Variants in ZNF618 observed in about 807,000 individuals in gnomAD.
ZNF618 encodes the protein neural precursor cell expressed, developmentally down-regulated 10.
Under a neutral mutation model 103.0 loss-of-function variants are expected in ZNF618, and 34 were observed. The ratio of observed to expected loss-of-function variants is 0.33; its 90% CI spans 0.25 to 0.44. ZNF618 has a LOEUF of 0.44. ZNF618 is among the 20% of genes least tolerant of loss of function. The pLI, the probability that ZNF618 is intolerant of heterozygous loss-of-function variation, is 1.00. For missense variants in ZNF618, 1,059 were observed against 1,295.4 expected, an observed-to-expected ratio of 0.82 and a Z score of 2.80; for synonymous variants, 551 against 542.2, an observed-to-expected ratio of 1.02 and a Z score of -0.23.
chr9:113,987,648 T>C (rs987036258), intron 2 of ZNF618, among the ~76,000 whole-genome samples: 2 of 152,080 alleles, frequency 1.3e-5, no homozygotes, highest in Non-Finnish European at 2.9e-5. Context: ...GCCCAAAGCG[T>C]AGTTTGAGGC....
At chr9:113,899,679 C>T (rs553540616) in intron 1 of ZNF618, among the ~76,000 whole-genome samples, 3 of 152,140 alleles carry the variant, frequency 2.0e-5, no homozygotes, top group African/African-American at 4.8e-5. Flanking sequence ...GGCTGGGGAC[C>T]GCTGACTTAG....
intron 1 of ZNF618, among the ~76,000 whole-genome samples, chr9:113,923,804 T>G (rs1832851714): frequency 6.6e-6 from 1 of 152,134 alleles, no homozygotes; most frequent in South Asian, 2.1e-4. Flanking sequence ...CTGAAATGCC[T>G]GGGACCTGAA....
chr9:113,949,483 A>G (rs1287449623), intron 1 of ZNF618, among the ~76,000 whole-genome samples: 2 of 152,020 alleles, frequency 1.3e-5, no homozygotes, highest in African/African-American at 4.8e-5. Context: ...CTGCATCCCT[A>G]CCACTGGGTC....
intron 1 of ZNF618, among the ~76,000 whole-genome samples, chr9:113,967,212 C>T (rs1837495176): frequency 6.6e-6 from 1 of 152,184 alleles, no homozygotes; most frequent in African/African-American, 2.4e-5. Flanking sequence ...GAATTTCCAC[C>T]CGTACCACTT....
At chr9:113,877,659 GTGTGTT>G (rs956207942) in intron 1 of ZNF618, among the ~76,000 whole-genome samples, 7 of 151,730 alleles carry the variant, frequency 4.6e-5, no homozygotes, top group African/African-American at 1.7e-4. Flanking sequence ...TTGTGTGTGT[GTGTGTT>G]TTTTTTGTTT....
At chr9:114,006,001 C>T (rs972705179) in intron 6 of ZNF618, among the ~76,000 whole-genome samples, 3 of 152,196 alleles carry the variant, frequency 2.0e-5, no homozygotes, top group East Asian at 1.9e-4. Context: ...GCTCCTTGCT[C>T]AGGGACCAGT....
intron 12 of ZNF618, chr9:114,035,168 G>A: frequency 1.0e-6 from 1 of 985,882 alleles, no homozygotes; most frequent in Non-Finnish European, 1.2e-6. Context: ...AGAAGAGATG[G>A]CTAAACTGTT....
chr9:113,904,320 C>T (rs1007426964), intron 1 of ZNF618, among the ~76,000 whole-genome samples: 3 of 150,264 alleles, frequency 2.0e-5, no homozygotes, highest in African/African-American at 7.4e-5. Flanking sequence ...TGTTTTTTTT[C>T]CTCTACCTTC....
At chr9:114,028,646 C>A in intron 10 of ZNF618, 87 bp from the exon 11 acceptor site, 1 of 1,476,154 alleles carries the variant, frequency 6.8e-7, no homozygotes, top group Admixed American at 2.2e-5. Flanking sequence ...ACAGTCCCAA[C>A]CCTGGAATGT....
intron 3 of ZNF618, among the ~76,000 whole-genome samples, chr9:113,989,839 T>C (rs775033919): frequency 6.6e-5 from 10 of 152,248 alleles, no homozygotes; most frequent in Non-Finnish European, 1.3e-4. Context: ...ACCTGGGTCA[T>C]GGCAGCATCC....
In ZNF618 at chr9:113,900,746, C is replaced by G. The variant is rs1830459525; in HGVS notation, c.33+24333C>G. Among the ~76,000 whole-genome samples the G allele has an allele frequency of 2.9e-5, 4 of 137,588 alleles. No homozygotes were observed. The South Asian group carries it at 1.0e-3, about 35-fold the overall frequency. The allele number at this position is 137,588 out of a possible 152,430, so 90.3% of individuals were successfully genotyped here. On this transcript the variant is annotated intron_variant, in intron 1 of 14. Coordinates refer to ENST00000374126, the MANE Select transcript of ZNF618 (RefSeq NM_001318042.2). ...CGACCTCCTGTCTCCTAGCACCGTCCTCTCGCGCAAACCCGACCTCCTGTC... is the reference window on the plus strand; with the variant it reads ...CGACCTCCTGTCTCCTAGCACCGTCGTCTCGCGCAAACCCGACCTCCTGTC...
intron 13 of ZNF618, among the ~76,000 whole-genome samples, chr9:114,041,642 T>C (rs1459918598): frequency 4.6e-5 from 7 of 152,174 alleles, no homozygotes; most frequent in African/African-American, 1.4e-4. Flanking sequence ...TGGTTGTAGA[T>C]GTGTGGTATT....
chr9:113,933,381 G>A (rs1833768090), intron 1 of ZNF618, among the ~76,000 whole-genome samples: 1 of 152,188 alleles, frequency 6.6e-6, no homozygotes. Flanking sequence ...CAGGGAAATT[G>A]CCAGCTCAGT....
At chr9:113,885,985 T>C (rs992506017) in intron 1 of ZNF618, among the ~76,000 whole-genome samples, 2 of 152,088 alleles carry the variant, frequency 1.3e-5, no homozygotes, top group Non-Finnish European at 2.9e-5. Context: ...GGGAAAAACA[T>C]TGCTTTCTAG....
At position 113,993,574 on chromosome 9, in the gene ZNF618, G is replaced by A. The variant is rs113119702; in HGVS notation, c.338-4685G>A. ...TTAAGCAGTGGGTACTCTTTCCTATGCTGTGAAACCACTGGTCCTTAATCC... is the reference window on the plus strand; with the variant it reads ...TTAAGCAGTGGGTACTCTTTCCTATACTGTGAAACCACTGGTCCTTAATCC... On this transcript the variant is annotated intron_variant, in intron 3 of 14. Transcript: ENST00000374126. Among the ~76,000 whole-genome samples the A allele has an allele frequency of 7.3e-3, 1,105 of 152,294 alleles. 3 individuals are homozygous for A. The highest frequency in any genetic ancestry group is 0.018 in the Admixed American group (277 of 15,292).
chr9:113,990,911 G>A (rs1332481844), intron 3 of ZNF618, among the ~76,000 whole-genome samples: 1 of 152,164 alleles, frequency 6.6e-6, no homozygotes, highest in African/African-American at 2.4e-5. Context: ...CTGAGGCCAG[G>A]GACTGTGTTA....
At chr9:113,934,961 T>G (rs1833908063) in intron 1 of ZNF618, among the ~76,000 whole-genome samples, 1 of 152,170 alleles carries the variant, frequency 6.6e-6, no homozygotes, top group South Asian at 2.1e-4. Flanking sequence ...GGCGTGGGGC[T>G]CAGCATGGTT....
chr9:113,962,441 A>T (rs995325644), intron 1 of ZNF618, among the ~76,000 whole-genome samples: 1 of 152,328 alleles, frequency 6.6e-6, no homozygotes, highest in East Asian at 1.9e-4. Context: ...AATGTAAGTC[A>T]AAGTATGTCA....
chr9:113,994,714 A>G (rs1436582887), intron 3 of ZNF618, among the ~76,000 whole-genome samples: 1 of 152,202 alleles, frequency 6.6e-6, no homozygotes, highest in Non-Finnish European at 1.5e-5. Context: ...TACCACTGCT[A>G]TTAGCTGGAA....
Sources: gnomAD v4.1 joint callset for allele counts (sites outside exome capture counted in the v4.1 genomes callset) on GRCh38, gnomAD v4.1.1 for gene constraint, MANE v1.5 for transcripts, NCBI Gene and HGNC (gene_info 2026-07-23, HGNC 2026-07-21) for gene names.